Variants in ALCAM observed in about 807,000 individuals in gnomAD.
ALCAM encodes activated leukocyte cell adhesion molecule.
In ALCAM, 30 loss-of-function variants were observed where a neutral mutation model predicts 70.9. The observed-to-expected ratio is 0.42, with a 90% CI of 0.32 to 0.57. The LOEUF is 0.57. Among genes scored for constraint, ALCAM ranks in the 20% least tolerant of loss-of-function variants. The probability of loss-of-function intolerance (pLI) is 0.11; values close to 1 mark genes in which losing one functional copy is unlikely to be tolerated. For synonymous variants in ALCAM, 249 were observed against 242.5 expected, an observed-to-expected ratio of 1.03 and a Z score of -0.25; for missense variants, 591 against 695.1, an observed-to-expected ratio of 0.85 and a Z score of 1.68.
intron 1 of ALCAM, among the ~76,000 whole-genome samples, chr3:105,426,329 AT>A (rs1227058039): frequency 6.6e-6 from 1 of 151,958 alleles, no homozygotes; most frequent in Non-Finnish European, 1.5e-5. Context: ...TATCTTGGAA[AT>A]AAAACATTAT....
intron 1 of ALCAM, among the ~76,000 whole-genome samples, chr3:105,434,250 G>C (rs572377951): frequency 6.6e-6 from 1 of 152,080 alleles, no homozygotes; most frequent in African/African-American, 2.4e-5. Context: ...GTCACATTCT[G>C]TGATCATTTA....
chr3:105,533,799 A>G (rs1939903929), intron 5 of ALCAM, 109 bp downstream of exon 5: 1 of 979,464 alleles, frequency 1.0e-6, no homozygotes, highest in East Asian at 2.6e-5. Flanking sequence ...TGGCACCAGG[A>G]ACTGGTTTCA....
At chr3:105,480,981 C>T (rs1938254999) in intron 1 of ALCAM, among the ~76,000 whole-genome samples, 2 of 152,050 alleles carry the variant, frequency 1.3e-5, no homozygotes, top group Admixed American at 6.6e-5. Context: ...CCGGCTGTGA[C>T]AGTGCATAAC....
chr3:105,425,071 C>T (rs1256971027), intron 1 of ALCAM, among the ~76,000 whole-genome samples: 1 of 141,178 alleles, frequency 7.1e-6, no homozygotes, highest in Non-Finnish European at 1.6e-5. Flanking sequence ...TTTTGATTCT[C>T]ATTCTACAGA....
chr3:105,544,571 C>T (rs1940198619), intron 8 of ALCAM: 1 of 152,438 alleles, frequency 6.6e-6, no homozygotes, highest in South Asian at 2.1e-4. Context: ...CTTATAAGGT[C>T]ATTATTTATC....
intron 1 of ALCAM, among the ~76,000 whole-genome samples, chr3:105,499,813 ACTAT>A (rs1196092043): frequency 3.3e-5 from 5 of 152,204 alleles, no homozygotes; most frequent in African/African-American, 9.6e-5. Context: ...CTTACCCAAA[ACTAT>A]CTAAGTACAA....
intron 1 of ALCAM, among the ~76,000 whole-genome samples, chr3:105,491,706 G>A (rs184537042): frequency 2.0e-5 from 3 of 152,304 alleles, no homozygotes; most frequent in South Asian, 2.1e-4. Context: ...AGCATAACAA[G>A]AGTCACCTTA....
chr3:105,495,317 A>C (rs570015088), intron 1 of ALCAM, among the ~76,000 whole-genome samples: 1 of 152,182 alleles, frequency 6.6e-6, no homozygotes, highest in African/African-American at 2.4e-5. Context: ...GGGGCTGCTG[A>C]TATCTCAGAT....
At chr3:105,488,010 T>C (rs1030808771) in intron 1 of ALCAM, among the ~76,000 whole-genome samples, 2 of 152,106 alleles carry the variant, frequency 1.3e-5, no homozygotes, top group African/African-American at 4.8e-5. Context: ...GGGGGTAGAT[T>C]TTTCATCAAT....
intron 1 of ALCAM, among the ~76,000 whole-genome samples, chr3:105,464,166 G>T (rs1937650791): frequency 6.6e-6 from 1 of 150,842 alleles, no homozygotes; most frequent in African/African-American, 2.4e-5. Context: ...AGATAGTATT[G>T]GTAAAATTAA....
chr3:105,514,390 G>C (rs562868859), intron 1 of ALCAM, among the ~76,000 whole-genome samples: 22 of 152,008 alleles, frequency 1.4e-4, no homozygotes, highest in Admixed American at 1.3e-3. Context: ...CTAATTGGGA[G>C]AAACTGTGAC....
At position 105,552,179 on chromosome 3, in the gene ALCAM, A is replaced by G; in HGVS notation, c.1543A>G (p.Ser515Gly). Residue 515 changes from serine to glycine, a missense_variant, in exon 13 of 16, where the codon AGT becomes GGT. Transcript: ENST00000306107. ...AGAACACGATGAGGCAGACGAGATA[A>G]GTGGTAGGTACTATGCTGCCGACTC... ...IPEHDEADEI[S>G]DENREKVNDQ... 4 of 1,604,200 alleles carry G rather than the reference A, an allele frequency of 2.5e-6. No individual in the cohort carries two copies. Among genetic ancestry groups the G allele is most frequent in the Non-Finnish European group, 3.4e-6 (4 of 1,175,648 alleles).
chr3:105,525,936 C>A (rs1418713436), intron 3 of ALCAM, among the ~76,000 whole-genome samples: 1 of 152,240 alleles, frequency 6.6e-6, no homozygotes. Context: ...CTGCATCCTG[C>A]ATTTGCCAGT....
chr3:105,530,125 A>C (rs3821492), intron 3 of ALCAM, among the ~76,000 whole-genome samples: 30,174 of 151,912 alleles, frequency 0.2, 3,197 homozygotes, highest in East Asian at 0.3. Context: ...TTGAGCTCTC[A>C]GAGAGGGTGT....
intron 6 of ALCAM, 72 bp from the exon 7 acceptor site, chr3:105,539,903 C>T (rs1405092354): frequency 7.5e-6 from 11 of 1,472,358 alleles, no homozygotes; most frequent in Non-Finnish European, 1.0e-5. Flanking sequence ...ATAATTTAGT[C>T]ATTTACATTG....
chr3:105,555,433 A>G (rs1303465332), intron 14 of ALCAM, among the ~76,000 whole-genome samples: 1 of 152,018 alleles, frequency 6.6e-6, no homozygotes, highest in Non-Finnish European at 1.5e-5. Flanking sequence ...ATAAGCAGGC[A>G]TTTTTGGAAT....
chr3:105,411,386 C>T (rs1936386595), intron 1 of ALCAM, among the ~76,000 whole-genome samples: 1 of 152,002 alleles, frequency 6.6e-6, no homozygotes, highest in Non-Finnish European at 1.5e-5. Flanking sequence ...GCATCCACAG[C>T]AGCAGAAGTA....
At chr3:105,572,019 C>T (rs1268538532) in intron 15 of ALCAM, 55 bp downstream of exon 15, 2 of 1,011,164 alleles carry the variant, frequency 2.0e-6, no homozygotes, top group Non-Finnish European at 2.9e-6. Flanking sequence ...TAGGAAACAT[C>T]CTTAAAGATG....
At chr3:105,525,643 T>C (rs1359859584) in intron 3 of ALCAM, among the ~76,000 whole-genome samples, 2 of 152,214 alleles carry the variant, frequency 1.3e-5, no homozygotes, top group Non-Finnish European at 2.9e-5. Flanking sequence ...TCTCTTGTAA[T>C]AGCCTATGCA....
Sources: allele counts gnomAD v4.1 joint callset (sites outside exome capture counted in the v4.1 genomes callset), GRCh38; gene constraint gnomAD v4.1.1; transcripts MANE v1.5; gene names NCBI Gene and HGNC (gene_info 2026-07-23, HGNC 2026-07-21).